FAM114A1: variants seen among roughly 807,000 people sequenced by gnomAD.
FAM114A1 encodes the protein family with sequence similarity 114 member A1.
In FAM114A1, 62 loss-of-function variants were observed where a neutral mutation model predicts 64.3. The ratio of observed to expected loss-of-function variants is 0.96; its 90% CI spans 0.79 to 1.19. FAM114A1 has a LOEUF of 1.19. Among genes scored for constraint, FAM114A1 ranks in the 50% most tolerant of loss-of-function variants. The probability of loss-of-function intolerance (pLI) is 0.00; values close to 1 mark genes in which losing one functional copy is unlikely to be tolerated. For synonymous variants in FAM114A1, 254 were observed against 251.1 expected, an observed-to-expected ratio of 1.01 and a Z score of -0.11; for missense variants, 645 against 676.3, an observed-to-expected ratio of 0.95 and a Z score of 0.51.
In FAM114A1 at chr4:38,941,020, A is replaced by G; in HGVS notation, c.1589A>G (p.Glu530Gly). Residue 530 changes from glutamate (E) to glycine (G), a missense_variant and splice_region_variant, in exon 14 of 15, where the codon GAG becomes GGG. Glu to Gly is a moderately conservative substitution (Grantham distance 98, BLOSUM62 -2). Coordinates refer to ENST00000358869, the MANE Select transcript of FAM114A1 (RefSeq NM_138389.4). ...LNPMISSVLLEGCNSTTYIQD... is the reference protein window; with the variant it reads ...LNPMISSVLLGGCNSTTYIQD... Reference sequence around the variant, plus strand: ...CCCATGATCAGTAGTGTATTGTTAGAGGTAAGTGGCCTCTGGAGAGAAAGT... The same window carrying G: ...CCCATGATCAGTAGTGTATTGTTAGGGGTAAGTGGCCTCTGGAGAGAAAGT... 6.2e-7 allele frequency: 1 copy of G among 1,613,500 alleles called. No individual in the cohort carries two copies. Among genetic ancestry groups the G allele is most frequent in the Non-Finnish European group, 8.5e-7 (1 of 1,179,742 alleles).
At chr4:38,878,760 G>A (rs779464998) in intron 3 of FAM114A1, among the ~76,000 whole-genome samples, 18 of 152,136 alleles carry the variant, frequency 1.2e-4, no homozygotes, top group Non-Finnish European at 1.2e-4. Flanking sequence ...TATACCTGTG[G>A]CAACCAGGCT....
At chr4:38,914,890 T>A (rs200864225) in intron 7 of FAM114A1, 31 bp from the exon 8 acceptor site, 213 of 1,602,924 alleles carry the variant, frequency 1.3e-4, no homozygotes, top group Non-Finnish European at 1.8e-4. Context: ...TAAATGTACA[T>A]CCAGAGTACA....
chr4:38,896,039 T>C (rs921991216), intron 4 of FAM114A1, among the ~76,000 whole-genome samples: 1 of 152,094 alleles, frequency 6.6e-6, no homozygotes, highest in East Asian at 1.9e-4. Context: ...AGAACCTTAG[T>C]ATTTTCTATG....
At chr4:38,919,684 G>GGA (rs1203329562) in intron 8 of FAM114A1, among the ~76,000 whole-genome samples, 9 of 152,166 alleles carry the variant, frequency 5.9e-5, no homozygotes, top group Non-Finnish European at 8.8e-5. Context: ...ATCAGCATAA[G>GGA]GAGAGAGAGT....
intron 7 of FAM114A1, among the ~76,000 whole-genome samples, chr4:38,909,694 A>G (rs16994921): frequency 0.16 from 24,341 of 152,202 alleles, 2,720 homozygotes; most frequent in African/African-American, 0.31. Flanking sequence ...TGAAATCAGA[A>G]GCAGCTGATG....
At chr4:38,943,319 T>G in intron 14 of FAM114A1, 137 bp from the exon 15 acceptor site, 1 of 685,048 alleles carries the variant, frequency 1.5e-6, no homozygotes, top group Non-Finnish European at 2.5e-6. Context: ...TACACTTGCT[T>G]TAAGCACCAA....
At chr4:38,894,610 G>A (rs1258746234) in intron 4 of FAM114A1, among the ~76,000 whole-genome samples, 1 of 152,204 alleles carries the variant, frequency 6.6e-6, no homozygotes, top group Non-Finnish European at 1.5e-5. Context: ...ATTACAAAAG[G>A]ACACCTAAGA....
At chr4:38,913,743 A>G (rs114041952) in intron 7 of FAM114A1, among the ~76,000 whole-genome samples, 3 of 152,302 alleles carry the variant, frequency 2.0e-5, no homozygotes, top group East Asian at 3.9e-4. Flanking sequence ...ACATTATGAG[A>G]TTATGTTTAT....
chr4:38,870,667 G>A (rs1713962901), intron 2 of FAM114A1, among the ~76,000 whole-genome samples: 1 of 152,084 alleles, frequency 6.6e-6, no homozygotes, highest in Non-Finnish European at 1.5e-5. Context: ...TCCAGTCCAC[G>A]AGACATGGCT....
At position 38,943,446 on chromosome 4, in the gene FAM114A1, C is replaced by G. The variant is rs762721726; in HGVS notation, c.1591-10C>G. 1.9e-6 allele frequency: 3 copies of G among 1,612,720 alleles called. No homozygotes were observed. Among genetic ancestry groups the G allele is most frequent in the Non-Finnish European group, 8.5e-7 (1 of 1,178,858 alleles). On this transcript the variant is annotated splice_polypyrimidine_tract_variant and intron_variant, in intron 14 of 14. Coordinates refer to ENST00000358869, the MANE Select transcript of FAM114A1 (RefSeq NM_138389.4). ...AATAACCCTTCAACCTCATTTTTCT[C>G]CTCTCACAGGGCTGCAACAGTACAA...
chr4:38,930,762 T>C (rs1258264150), intron 10 of FAM114A1, among the ~76,000 whole-genome samples: 1 of 152,198 alleles, frequency 6.6e-6, no homozygotes, highest in Non-Finnish European at 1.5e-5. Flanking sequence ...TGCCCCTTCG[T>C]TCTAAATTCA....
chr4:38,880,136 AATAGAATAG>A, intron 3 of FAM114A1, among the ~76,000 whole-genome samples: 1 of 108,994 alleles, frequency 9.2e-6, no homozygotes, highest in Non-Finnish European at 2.2e-5. Context: ...AATAGAATAG[AATAGAATAG>A]AATAGAATAG....
Position 38,931,517 on chromosome 4 carries a change from G to T in FAM114A1, c.1228G>T (p.Val410Leu). 6.2e-7 allele frequency: 1 copy of T among 1,614,038 alleles called. No individual in the cohort carries two copies. Among genetic ancestry groups the T allele is most frequent in the Non-Finnish European group, 8.5e-7 (1 of 1,179,968 alleles). Residue 410 changes from valine (V) to leucine (L), a missense_variant, in exon 11 of 15, where the codon GTG becomes TTG. Physicochemically the swap from Val to Leu is conservative, Grantham distance 32. Transcript: ENST00000358869. Reference protein sequence around the residue: ...QTVVSVDVAKVSEEETKKEEK... With the variant: ...QTVVSVDVAKLSEEETKKEEK... ...CGTGGTGTCAGTAGATGTGGCAAAA[G>T]TGTCCGAAGAAGAAACAAAGAAGGA...
intron 3 of FAM114A1, among the ~76,000 whole-genome samples, chr4:38,882,069 T>G (rs936556858): frequency 4.6e-5 from 7 of 151,818 alleles, no homozygotes; most frequent in Non-Finnish European, 8.8e-5. Context: ...TCCCAGCACT[T>G]TGGGAGGCCG....
chr4:38,891,727 A>G lies in FAM114A1; in HGVS notation c.349-16A>G. The G allele has an allele frequency of 3.1e-6, 5 of 1,588,708 alleles. No homozygotes were observed. The highest frequency in any genetic ancestry group is 4.3e-6 in the Non-Finnish European group (5 of 1,168,762). ...ATACTGAATTTCTGACCTGTGGCTA[A>G]TTTGTTTTTCTCCAGGCTGTGGATT... On this transcript the variant is annotated splice_polypyrimidine_tract_variant and intron_variant, in intron 3 of 14. Transcript: ENST00000358869.
At chr4:38,915,204 T>G in intron 8 of FAM114A1, 131 bp downstream of exon 8, 1 of 1,145,866 alleles carries the variant, frequency 8.7e-7, no homozygotes, top group Non-Finnish European at 1.2e-6. Flanking sequence ...AGGTCAGAAA[T>G]ACTGTACAAT....
intron 12 of FAM114A1, among the ~76,000 whole-genome samples, chr4:38,932,836 C>T (rs942727421): frequency 3.3e-5 from 5 of 151,118 alleles, no homozygotes; most frequent in Non-Finnish European, 7.4e-5. Flanking sequence ...CATTGTTCTA[C>T]GGTCATCTTA....
At position 38,897,348 on chromosome 4, in the gene FAM114A1, C is replaced by A. The variant is rs184447420; in HGVS notation, c.436+5518C>A. On this transcript the variant is annotated intron_variant, in intron 4 of 14. Transcript: ENST00000358869. ...CATAGAAGGAGAAAGATATTTGTGC[C>A]CACTGTGCTAAGTGGAAAAATACAG... is the stretch of plus-strand genomic sequence containing the variant. Among the ~76,000 whole-genome samples the A allele has an allele frequency of 8.1e-4, 123 of 152,214 alleles. 2 individuals are homozygous for A. In the East Asian group the frequency reaches 0.018, roughly 22 times the overall value.
intron 3 of FAM114A1, among the ~76,000 whole-genome samples, chr4:38,881,827 GT>G (rs1715301544): frequency 6.6e-6 from 1 of 152,102 alleles, no homozygotes; most frequent in South Asian, 2.1e-4. Context: ...CTCTTTCCCT[GT>G]TGCTCCAGAG....
Sources: gnomAD v4.1 joint callset for allele counts (sites outside exome capture counted in the v4.1 genomes callset) on GRCh38, gnomAD v4.1.1 for gene constraint, MANE v1.5 for transcripts, NCBI Gene and HGNC (gene_info 2026-07-23, HGNC 2026-07-21) for gene names.